The following CNGB1 variants were observed in gnomAD, a reference collection of about 807,000 sequenced individuals.
The protein encoded by CNGB1 is cyclic nucleotide gated channel subunit beta 1.
CNGB1 carries 126 observed loss-of-function variants against 151.7 expected under a neutral mutation model. The observed-to-expected ratio is 0.83, with a 90% CI of 0.72 to 0.96. The LOEUF is 0.96. Among genes scored for constraint, CNGB1 ranks in the 40% least tolerant of loss-of-function variants. The pLI, the probability that CNGB1 is intolerant of heterozygous loss-of-function variation, is 0.00. For missense variants in CNGB1, 1,698 were observed against 1,627.0 expected, an observed-to-expected ratio of 1.04 and a Z score of -0.75; for synonymous variants, 623 against 635.1, an observed-to-expected ratio of 0.98 and a Z score of 0.29.
At chr16:57,949,547 C>G in intron 13 of CNGB1, 108 bp from the exon 14 acceptor site, 1 of 1,571,888 alleles carries the variant, frequency 6.4e-7, no homozygotes, top group Non-Finnish European at 8.7e-7. Flanking sequence ...GAGCCCAGAC[C>G]TGGACTTTCC....
chr16:57,942,030 T>C (rs1961682673), intron 14 of CNGB1, among the ~76,000 whole-genome samples: 1 of 151,858 alleles, frequency 6.6e-6, no homozygotes, highest in Non-Finnish European at 1.5e-5. Context: ...TTTGTTTTTG[T>C]TTGGTTTGGT....
At chr16:57,917,597 AGTGTGTGTATGTGTGT>A (rs1315216318) in intron 20 of CNGB1, 121 bp from the exon 21 acceptor site, 1 of 724,260 alleles carries the variant, frequency 1.4e-6, no homozygotes, top group East Asian at 2.7e-5. Context: ...CTTTTGTAAG[AGTGTGTGTATGTGTGT>A]GTGTGTGTAT....
At chr16:57,925,676 A>G (rs1355346194) in intron 17 of CNGB1, among the ~76,000 whole-genome samples, 1 of 149,220 alleles carries the variant, frequency 6.7e-6, no homozygotes, top group African/African-American at 2.5e-5. Flanking sequence ...TGGTTTCCCA[A>G]GGGAAGTTCA....
chr16:57,936,523 T>C (rs1961512329), intron 16 of CNGB1, among the ~76,000 whole-genome samples: 1 of 152,230 alleles, frequency 6.6e-6, no homozygotes, highest in Non-Finnish European at 1.5e-5. Flanking sequence ...CCAGGCACAG[T>C]GGCTTATGCC....
chr16:57,914,126 T>G (rs1960801262), intron 23 of CNGB1, among the ~76,000 whole-genome samples: 1 of 152,244 alleles, frequency 6.6e-6, no homozygotes, highest in South Asian at 2.1e-4. Flanking sequence ...ATGGCTCACT[T>G]AAAGAGTTTT....
At chr16:57,964,462 C>A (rs1567399790) in intron 3 of CNGB1, 25 bp downstream of exon 3, 2 of 1,613,692 alleles carry the variant, frequency 1.2e-6, no homozygotes, top group East Asian at 2.2e-5. Flanking sequence ...GCCATGCCAG[C>A]CTGGGCTTCA....
intron 17 of CNGB1, among the ~76,000 whole-genome samples, chr16:57,928,443 C>T (rs1567381791): frequency 6.6e-6 from 1 of 152,182 alleles, no homozygotes. Context: ...GGAGACAGCC[C>T]AGCAATATGG....
chr16:57,936,795 CAAACAAAAAAA>C (rs1961520545), intron 16 of CNGB1, among the ~76,000 whole-genome samples: 1 of 99,084 alleles, frequency 1.0e-5, no homozygotes, highest in South Asian at 3.2e-4. Flanking sequence ...AAAAAACAAA[CAAACAAAAAAA>C]AAACAAAAGA....
At chr16:57,886,230 T>C (rs1162498327) in intron 32 of CNGB1, among the ~76,000 whole-genome samples, 1 of 152,150 alleles carries the variant, frequency 6.6e-6, no homozygotes, top group Non-Finnish European at 1.5e-5. Context: ...GCCCTGGTTG[T>C]TCTGATTTGG....
At chr16:57,950,606 C>CCAGGGAGCCTG (rs142602075) in intron 12 of CNGB1, 66 bp from the exon 13 acceptor site, 132,633 of 1,550,206 alleles carry the variant, frequency 0.086, 6,761 homozygotes, top group East Asian at 0.13. Flanking sequence ...CCTCTGAGTC[C>CCAGGGAGCCTG]CAGGGAGCCT....
Position 57,969,240 on chromosome 16 carries a change from A to G in CNGB1, c.-9+1820T>C, listed in dbSNP as rs541912461. 3.3e-5 allele frequency among the ~76,000 whole-genome samples: 5 copies of G among 152,316 alleles called. No homozygotes were observed. In the East Asian group the frequency reaches 9.6e-4, roughly 29 times the overall value. ...AGAATCACTTGAACCCGGGAGGCAGAGGTTGCAGTGAGCCGAGATCGTGCC... is the reference window on the plus strand; with the variant it reads ...AGAATCACTTGAACCCGGGAGGCAGGGGTTGCAGTGAGCCGAGATCGTGCC... On this transcript the variant is annotated intron_variant, in intron 1 of 32. Transcript: ENST00000251102.
chr16:57,901,764 A>AC (rs1429178250), intron 27 of CNGB1, 139 bp from the exon 28 acceptor site: 2 of 719,254 alleles, frequency 2.8e-6, no homozygotes, highest in African/African-American at 3.5e-5. Flanking sequence ...TTTGTAGTGC[A>AC]CCCTCTCTCA....
At chr16:57,926,454 G>C (rs1405296182) in intron 17 of CNGB1, among the ~76,000 whole-genome samples, 2 of 152,190 alleles carry the variant, frequency 1.3e-5, no homozygotes, top group African/African-American at 4.8e-5. Context: ...GATTTCTAGG[G>C]GGATCCAGAG....
intron 29 of CNGB1, 134 bp downstream of exon 29, chr16:57,901,218 A>T (rs938523268): frequency 1.8e-5 from 16 of 891,150 alleles, no homozygotes; most frequent in Non-Finnish European, 3.0e-5. Context: ...TGCAGCATGA[A>T]GCCGCAGACG....
Position 57,949,525 on chromosome 16 carries a change from C to A in CNGB1, c.1035-86G>T. 6 of 1,596,182 alleles carry A rather than the reference C, an allele frequency of 3.8e-6. No homozygotes were observed. The South Asian group carries it at 4.4e-5, about 12-fold the overall frequency. On this transcript the variant is annotated intron_variant, in intron 13 of 32. Transcript: ENST00000251102. ...CCTGCCTCTATTTTCTGTAGGATGT[C>A]CCATGACACCTGAGCCCAGACCTGG...
chr16:57,935,092 G>C (rs964029736), intron 16 of CNGB1, among the ~76,000 whole-genome samples: 16 of 151,014 alleles, frequency 1.1e-4, no homozygotes, highest in Non-Finnish European at 2.2e-4. Context: ...AATACCCAGA[G>C]AGGAAGTCTC....
At chr16:57,964,271 G>C (rs900178658) in intron 3 of CNGB1, 69 bp from the exon 4 acceptor site, 18 of 1,539,116 alleles carry the variant, frequency 1.2e-5, no homozygotes, top group Non-Finnish European at 1.6e-5. Context: ...TGCTTGGGGA[G>C]ATCAAGTCAG....
rs528080505 is a variant in CNGB1, at chr16:57,912,821, CGT to C, written c.2369+107_2369+108del. ...TATGTTGTGTGTGTGTTGTGTGTGT[CGT>C]GTGTGTGTTGTGTGTGTGTCATCTG... On this transcript the variant is annotated intron_variant, in intron 24 of 32. Transcript: ENST00000251102. The C allele has an allele frequency of 3.5e-3, 3,757 of 1,071,400 alleles. 63 individuals are homozygous for C. The Admixed American group carries it at 0.037, about 11-fold the overall frequency. The allele number at this position is 1,071,400 out of a possible 1,614,324, so 66.4% of individuals were successfully genotyped here.
chr16:57,908,745 C>T (rs1436705868), intron 25 of CNGB1, among the ~76,000 whole-genome samples: 1 of 152,220 alleles, frequency 6.6e-6, no homozygotes, highest in Non-Finnish European at 1.5e-5. Context: ...GGCCCAGCCC[C>T]CATCCTGTGC....
Sources: allele counts gnomAD v4.1 joint callset (sites outside exome capture counted in the v4.1 genomes callset), GRCh38; gene constraint gnomAD v4.1.1; transcripts MANE v1.5; gene names NCBI Gene and HGNC (gene_info 2026-07-23, HGNC 2026-07-21).